Variants in BHLHE41 observed in about 807,000 individuals in gnomAD.
The protein encoded by BHLHE41 is class E basic helix-loop-helix protein 41.
A neutral mutation model predicts 24.0 loss-of-function variants in BHLHE41; 14 were observed. The ratio of observed to expected loss-of-function variants is 0.58; its 90% CI spans 0.39 to 0.91. The LOEUF (loss-of-function observed/expected upper bound fraction) is 0.91. Ranked by LOEUF, BHLHE41 falls within the 40% of genes least tolerant of loss-of-function variation. The pLI, the probability that BHLHE41 is intolerant of heterozygous loss-of-function variation, is 0.00. For missense variants in BHLHE41, 674 were observed against 655.4 expected, an observed-to-expected ratio of 1.03 and a Z score of -0.31; for synonymous variants, 394 against 315.5, an observed-to-expected ratio of 1.25 and a Z score of -2.64.
chr12:26,124,263 C>A, intron 2 of BHLHE41, 84 bp from the exon 3 acceptor site: 4 of 558,500 alleles, frequency 7.2e-6, no homozygotes, highest in Admixed American at 2.4e-5. Flanking sequence ...GCCCCCCCCG[C>A]CCCCCCACCA....
chr12:26,122,630 G>A lies in BHLHE41; in HGVS notation c.885C>T (p.Gly295=), dbSNP rs918557539. 7 of 1,222,124 alleles carry A rather than the reference G, an allele frequency of 5.7e-6. No individual in the cohort carries two copies. The Admixed American group carries it at 3.0e-4, about 52-fold the overall frequency. 75.7% of individuals were successfully genotyped at this position (1,222,124 alleles called of 1,614,324 possible). Residue 295 remains glycine, a synonymous_variant, in exon 5 of 5, where the codon GGC becomes GGT. Transcript: ENST00000242728. ...GCGCGGCTGCCGCCGCCGCCGCGCC[G>A]CCCCCCGGGCCGCCGCCGCTGCCGC... ...RGGGSGGGPG[G]GAAAAAAALL... is the part of the protein sequence containing the mutation.
At chr12:26,124,616 C>A (rs977619386) in intron 1 of BHLHE41, 34 bp from the exon 2 acceptor site, 2 of 1,613,396 alleles carry the variant, frequency 1.2e-6, no homozygotes, top group Non-Finnish European at 1.7e-6. Context: ...GGCACCCATT[C>A]GGGGAGGGGC....
rs752651978 is a variant in BHLHE41 at position 26,122,347 on chromosome 12, G to A, written c.1168C>T (p.Pro390Ser). 1.5e-4 allele frequency: 176 copies of A among 1,182,368 alleles called. No individual in the cohort carries two copies. Among genetic ancestry groups the A allele is most frequent in the Middle Eastern group, 3.3e-4 (1 of 3,002 alleles). 73.2% of individuals were successfully genotyped at this position (1,182,368 alleles called of 1,614,324 possible). Reference protein sequence around the residue: ...AAAAPFPLLYPGIPAPAAAAA... With the variant: ...AAAAPFPLLYSGIPAPAAAAA... ...GCTGCCGCCGGGGCGGGGATGCCGG[G>A]GTATAGCAGCGGGAACGGGGCGGCA... Residue 390 changes from proline (P) to serine (S), a missense_variant, in exon 5 of 5, where the codon CCC (proline) becomes TCC (serine). Physicochemically the swap from Pro to Ser is moderately conservative, Grantham distance 74. This residue lies in a region of BHLHE41 where 602 missense variants were observed against 570.8 expected (regional missense o/e 1.05). Transcript: ENST00000242728.
chr12:26,124,061 G>A lies in BHLHE41; in HGVS notation c.234+11C>T, dbSNP rs756068658. On this transcript the variant is annotated intron_variant, in intron 3 of 4. Transcript: ENST00000242728. ...TTGGAGAGCAGCAAAGAATGAAAAT[G>A]TGCATCTTACTGTCAATTTCAGATG... The A allele has an allele frequency of 3.2e-6, 5 of 1,547,838 alleles. No homozygotes were observed. The highest frequency in any genetic ancestry group is 2.2e-5 in the East Asian group (1 of 44,582).
chr12:26,122,927 G>C lies in BHLHE41; in HGVS notation c.588C>G (p.Ala196=). 1 of 1,551,132 alleles carries C rather than the reference G, an allele frequency of 6.4e-7. No individual in the cohort carries two copies. Among genetic ancestry groups the C allele is most frequent in the Non-Finnish European group, 8.7e-7 (1 of 1,146,862 alleles). The part of the protein sequence containing the change: ...LSKGTGAPSA[A]GSAAAPCLER... ...CCAGGCAGGGGGCGGCCGCGGACCC[G>C]GCGGCCGAGGGAGCGCCGGTGCCTT... is the stretch of plus-strand genomic sequence containing the variant. The change falls in exon 5 of 5, where the codon GCC becomes GCG. Residue 196 remains alanine, a synonymous_variant. Coordinates refer to ENST00000242728, the MANE Select transcript of BHLHE41 (RefSeq NM_030762.3).
At position 26,124,167 on chromosome 12, in the gene BHLHE41, A is replaced by G; in HGVS notation, c.139T>C (p.Leu47=). 6.3e-7 allele frequency: 1 copy of G among 1,597,932 alleles called. No individual in the cohort carries two copies. The highest frequency in any genetic ancestry group is 1.1e-5 in the South Asian group (1 of 90,720). ...TTCTTTTCTATTAATCTGTGCGGTA[A>G]TTTGTAGGTATCCTTAATATATGAG... ...KRDDTKDTYK[L]PHRLIEKKRR... Residue 47 remains leucine, a synonymous_variant, in exon 3 of 5, where the codon TTA becomes CTA. Coordinates refer to ENST00000242728, the MANE Select transcript of BHLHE41 (RefSeq NM_030762.3).
At position 26,123,156 on chromosome 12, in the gene BHLHE41, A is replaced by G. The variant is rs1485522774; in HGVS notation, c.359T>C (p.Leu120Pro). The change falls in exon 5 of 5, where the codon CTG becomes CCG. Residue 120 changes from leucine to proline, a missense_variant. Transcript: ENST00000242728. ...CAAGTCGGACTGAATGGGCGATTTC[A>G]GAGATCGCTCCCCTAGGATGAGGAA... ...IIALQNGERSLKSPIQSDLDA... is the reference protein window; with the variant it reads ...IIALQNGERSPKSPIQSDLDA... The G allele has an allele frequency of 6.3e-7, 1 of 1,594,794 alleles. No homozygotes were observed. Among genetic ancestry groups the G allele is most frequent in the African/African-American group, 1.3e-5 (1 of 74,630 alleles).
rs1944306806 is a variant in BHLHE41, at chr12:26,121,732, G to C, written c.*334C>G. ...CTCGAATTAGGTTCCAATTTTAAGA[G>C]ATAATGGAACATGGCCTAAAAGGGG... On this transcript the variant is annotated 3_prime_UTR_variant, in exon 5 of 5. Transcript: ENST00000242728. The C allele has an allele frequency of 3.0e-6, 1 of 335,886 alleles. No homozygotes were observed. Among genetic ancestry groups the C allele is most frequent in the East Asian group, 7.8e-5 (1 of 12,870 alleles). The allele number at this position is 335,886 out of a possible 1,614,324, so 20.8% of individuals were successfully genotyped here. A position where few individuals can be genotyped will look rare whatever the true frequency, so the allele number is the denominator to read the frequency against.
Position 26,122,113 on chromosome 12 carries a change from T to A in BHLHE41, c.1402A>T (p.Ser468Cys). 6.5e-7 allele frequency: 1 copy of A among 1,549,300 alleles called. No homozygotes were observed. The highest frequency in any genetic ancestry group is 8.7e-7 in the Non-Finnish European group (1 of 1,146,466). ...AGPREPGNPESSAQEDPSQPG... is the reference protein window; with the variant it reads ...AGPREPGNPECSAQEDPSQPG... The stretch of plus-strand genomic sequence containing the variant: ...TGCGAGGGATCTTCCTGAGCAGAGC[T>A]CTCCGGGTTCCCCGGCTCGCGGGGC... Residue 468 changes from serine (S) to cysteine (C), a missense_variant, in exon 5 of 5, where the codon AGC (serine) becomes TGC (cysteine). Physicochemically the swap from Ser to Cys is moderately radical, Grantham distance 112 (BLOSUM62 -1). This residue lies in a region of BHLHE41 where 602 missense variants were observed against 570.8 expected (regional missense o/e 1.05). Coordinates refer to ENST00000242728, the MANE Select transcript of BHLHE41 (RefSeq NM_030762.3).
chr12:26,124,562 TACAAAG>T lies in BHLHE41; in HGVS notation c.77_82del (p.Ser26_Leu27del). On this transcript the variant is annotated inframe_deletion, in exon 2 of 5. Transcript: ENST00000242728. ...CATGCTCCTTTTGGGTTTACACATA[TACAAAG>T]AGGAATAGTCCAGTCTGCAAAACAG... 6.2e-7 allele frequency: 1 copy of T among 1,614,136 alleles called. No homozygotes were observed. Among genetic ancestry groups the T allele is most frequent in the Non-Finnish European group, 8.5e-7 (1 of 1,180,036 alleles).
At position 26,124,923 on chromosome 12, in the gene BHLHE41, T is replaced by C. The variant is rs141784967; in HGVS notation, c.-144A>G. The C allele has an allele frequency of 8.3e-4, 699 of 846,946 alleles. 3 individuals carry two copies. In the African/African-American group the frequency reaches 0.011, roughly 13 times the overall value. The allele number at this position is 846,946 out of a possible 1,614,324, so 52.5% of individuals were successfully genotyped here. Reference sequence around the variant, plus strand: ...TCCCTCTTCAGTGCAGTGTTGAAAGTGTGAAGCAGTTGGTCCCCCCCCTCC... The same window carrying C: ...TCCCTCTTCAGTGCAGTGTTGAAAGCGTGAAGCAGTTGGTCCCCCCCCTCC... On this transcript the variant is annotated 5_prime_UTR_variant, in exon 1 of 5. Coordinates refer to ENST00000242728, the MANE Select transcript of BHLHE41 (RefSeq NM_030762.3).
In BHLHE41 at chr12:26,120,355, C is replaced by G. The variant is rs1454808331; in HGVS notation, c.*1711G>C. On this transcript the variant is annotated 3_prime_UTR_variant, in exon 5 of 5. Coordinates refer to ENST00000242728, the MANE Select transcript of BHLHE41 (RefSeq NM_030762.3). ...TAGAATTTATGGAGTGCTGAAAATACTAGAATATAAAGGTAATTTCTAGTT... is the reference window on the plus strand; with the variant it reads ...TAGAATTTATGGAGTGCTGAAAATAGTAGAATATAAAGGTAATTTCTAGTT... The G allele has an allele frequency of 6.6e-6, 1 of 152,538 alleles. No homozygotes were observed. Among genetic ancestry groups the G allele is most frequent in the Non-Finnish European group, 1.5e-5 (1 of 68,012 alleles). 9.4% of individuals were successfully genotyped at this position (152,538 alleles called of 1,614,324 possible).
Position 26,124,539 on chromosome 12 carries a change from T to G in BHLHE41, c.106A>C (p.Met36Leu), listed in dbSNP as rs1565665799. 2 of 1,614,056 alleles carry G rather than the reference T, an allele frequency of 1.2e-6. No individual in the cohort carries two copies. Among genetic ancestry groups the G allele is most frequent in the African/African-American group, 2.7e-5 (2 of 74,918 alleles). ...CTTACCTTGGTGTCGTCTCGTTTCATGCTCCTTTTGGGTTTACACATATAC... is the reference window on the plus strand; with the variant it reads ...CTTACCTTGGTGTCGTCTCGTTTCAGGCTCCTTTTGGGTTTACACATATAC... ...SLYMCKPKRS[M>L]KRDDTKDTYK... is the part of the protein sequence containing the mutation. Residue 36 changes from methionine to leucine, a missense_variant, in exon 2 of 5, where the codon ATG becomes CTG. Met to Leu is a conservative substitution (Grantham distance 15, BLOSUM62 2). Coordinates refer to ENST00000242728, the MANE Select transcript of BHLHE41 (RefSeq NM_030762.3).
intron 4 of BHLHE41, 70 bp downstream of exon 4, chr12:26,123,560 G>T: frequency 9.3e-7 from 1 of 1,069,596 alleles, no homozygotes. Context: ...GGGTGAGGGA[G>T]TCCTGACACT....
rs1176666091 is a variant in BHLHE41, at chr12:26,122,215, G to A, written c.1300C>T (p.Leu434=). 13 of 1,319,652 alleles carry A rather than the reference G, an allele frequency of 9.9e-6. No individual in the cohort carries two copies. Among genetic ancestry groups the A allele is most frequent in the Non-Finnish European group, 1.2e-5 (12 of 1,036,450 alleles). The allele number at this position is 1,319,652 out of a possible 1,614,324, so 81.7% of individuals were successfully genotyped here. The change falls in exon 5 of 5, where the codon CTG becomes TTG. Residue 434 remains leucine (L), a synonymous_variant. Transcript: ENST00000242728. The stretch of plus-strand genomic sequence containing the variant: ...CCAAGGGGCGCCACCTCGTGCGGCA[G>A]GAGGGTCGCGGCGGCGGCGCCCGCC... The part of the protein sequence containing the change: ...EKAGAAAATL[L]PHEVAPLGAP...
chr12:26,123,295 T>G (rs1204648617), intron 4 of BHLHE41, 127 bp from the exon 5 acceptor site: 2 of 1,278,704 alleles, frequency 1.6e-6, no homozygotes, highest in African/African-American at 1.5e-5. Flanking sequence ...TTTTCCCCAG[T>G]ATTCAAGTGA....
In BHLHE41 at chr12:26,121,206, T is replaced by C. The variant is rs1018719384; in HGVS notation, c.*860A>G. 2.6e-5 allele frequency: 4 copies of C among 152,330 alleles called. No homozygotes were observed. The highest frequency in any genetic ancestry group is 2.0e-4 in the Admixed American group (3 of 15,282). 9.4% of individuals were successfully genotyped at this position (152,330 alleles called of 1,614,324 possible). ...ACCTATCTATGGATAAATAGAAATC[T>C]GTACAGATAGATATCTATCTATATA... On this transcript the variant is annotated 3_prime_UTR_variant, in exon 5 of 5. Coordinates refer to ENST00000242728, the MANE Select transcript of BHLHE41 (RefSeq NM_030762.3).
intron 1 of BHLHE41, 27 bp from the exon 2 acceptor site, chr12:26,124,609 A>AC (rs1477876446): frequency 3.1e-6 from 5 of 1,613,918 alleles, no homozygotes; most frequent in Admixed American, 1.7e-5. Context: ...AGCATCAGGC[A>AC]CCCATTCGGG....
At position 26,122,765 on chromosome 12, in the gene BHLHE41, C is replaced by G; in HGVS notation, c.750G>C (p.Pro250=). The G allele has an allele frequency of 1.9e-6, 3 of 1,592,424 alleles. No homozygotes were observed. The highest frequency in any genetic ancestry group is 2.3e-5 in the East Asian group (1 of 43,456). The stretch of plus-strand genomic sequence containing the variant: ...CCGCGCCTTTGCCTTTCTCGCGGTC[C>G]GGCCGGGCCTCGGCTTCGCCGCCGT... ...SGYGGEAEAR[P]DREKGKGAGA... The change falls in exon 5 of 5, where the codon CCG becomes CCC. Residue 250 remains proline (P), a synonymous_variant. Transcript: ENST00000242728.
Sources: gnomAD v4.1 joint callset for allele counts on GRCh38, gnomAD v4.1.1 for gene constraint, gnomAD v4.1.1 regional missense constraint, MANE v1.5 for transcripts, NCBI Gene and HGNC (gene_info 2026-07-23, HGNC 2026-07-21) for gene names.